The following SLC39A6 variants were observed in gnomAD, a reference collection of about 807,000 sequenced individuals.
SLC39A6 encodes the protein solute carrier family 39 member 6, also known as zinc transporter ZIP6.
In SLC39A6, 51 loss-of-function variants were observed where a neutral mutation model predicts 63.5. The ratio of observed to expected loss-of-function variants is 0.80; its 90% CI spans 0.64 to 1.01. The LOEUF is 1.01. SLC39A6 is among the 50% of genes least tolerant of loss of function. The pLI is 0.00. For missense variants in SLC39A6, 805 were observed against 927.8 expected, an observed-to-expected ratio of 0.87 and a Z score of 1.72; for synonymous variants, 318 against 324.7, an observed-to-expected ratio of 0.98 and a Z score of 0.22.
chr18:36,116,925 C>T (rs1276799152), intron 5 of SLC39A6, 146 bp from the exon 6 acceptor site: 2 of 606,862 alleles, frequency 3.3e-6, no homozygotes, highest in Non-Finnish European at 2.9e-6. Flanking sequence ...AGCACACTAT[C>T]TCCTGGGAAC....
At chr18:36,127,573 C>G (rs1460112540) in intron 1 of SLC39A6, among the ~76,000 whole-genome samples, 1 of 151,686 alleles carries the variant, frequency 6.6e-6, no homozygotes, top group African/African-American at 2.4e-5. Context: ...ATAAAATAAC[C>G]TTCAAACACC....
chr18:36,116,977 G>T (rs55680231), intron 5 of SLC39A6, among the ~76,000 whole-genome samples, 198 bp from the exon 6 acceptor site: 1 of 152,320 alleles, frequency 6.6e-6, no homozygotes, highest in South Asian at 2.1e-4. Context: ...GGCGGCTCAC[G>T]CCTGTAATCG....
intron 8 of SLC39A6, among the ~76,000 whole-genome samples, chr18:36,111,929 T>C (rs1242548827): frequency 6.6e-6 from 1 of 152,128 alleles, no homozygotes; most frequent in Admixed American, 6.5e-5. Flanking sequence ...AGAACACACA[T>C]GAGATGATCA....
intron 1 of SLC39A6, among the ~76,000 whole-genome samples, chr18:36,128,115 C>T (rs2144516800): frequency 1.3e-5 from 2 of 152,294 alleles, no homozygotes; most frequent in South Asian, 4.1e-4. Flanking sequence ...AACCAAAGGC[C>T]TGTGCCCCAA....
At chr18:36,112,824 G>A (rs1217595461) in intron 7 of SLC39A6, among the ~76,000 whole-genome samples, 4 of 152,014 alleles carry the variant, frequency 2.6e-5, no homozygotes, top group Admixed American at 6.6e-5. Context: ...TAGAATGAGC[G>A]GATAAAGTTA....
At position 36,126,852 on chromosome 18, in the gene SLC39A6, T is replaced by C; in HGVS notation, c.156A>G (p.Thr52=). Residue 52 remains threonine, a synonymous_variant, in exon 2 of 10, where the codon ACA becomes ACG. Transcript: ENST00000269187. ...AAAGCTGTTGTAGATGATATTGCCG[T>C]GTGGAAATTGCCAAGTCAACATTAA... is the stretch of plus-strand genomic sequence containing the variant. ...SGINVDLAIS[T]RQYHLQQLFY... is the part of the protein sequence containing the mutation. 6.2e-7 allele frequency: 1 copy of C among 1,614,238 alleles called. No homozygotes were observed. Among genetic ancestry groups the C allele is most frequent in the South Asian group, 1.1e-5 (1 of 91,084 alleles).
rs1282626746 is a variant in SLC39A6, at chr18:36,114,184, C to T, written c.1756G>A (p.Glu586Lys). ...GTGGCGACGCCGGCATCTTTCAGCT[C>T]CTCCCGAGAGTAGCGCTGGCTGTGA... is the stretch of plus-strand genomic sequence containing the variant. Reference protein sequence around the residue: ...HSHSQRYSREELKDAGVATLA... With the variant: ...HSHSQRYSREKLKDAGVATLA... Residue 586 changes from glutamate to lysine, a missense_variant, in exon 7 of 10, where the codon GAG (glutamate) becomes AAG (lysine). Glu to Lys is a moderately conservative substitution (Grantham distance 56). Around this residue, in one of 4 missense-constraint regions of SLC39A6, gnomAD observed 145 missense variants for 227.2 expected, o/e 0.64. Transcript: ENST00000269187. 6.2e-7 allele frequency: 1 copy of T among 1,614,124 alleles called. No individual in the cohort carries two copies. The highest frequency in any genetic ancestry group is 8.5e-7 in the Non-Finnish European group (1 of 1,180,032).
In SLC39A6 at chr18:36,116,706, G is replaced by T. The variant is rs1290800077; in HGVS notation, c.1433C>A (p.Ser478Ter). ...KQLSKYESQL[S>*]TNEEKVDTDD... ...TGTATCTACTTTCTCCTCATTTGTT[G>T]AAAGTTGAGATTCATACTTGGACAA... The change falls in exon 6 of 10, where the codon TCA becomes TAA. Residue 478 changes from serine (S) to a stop codon, truncating the protein, a stop_gained. Coordinates refer to ENST00000269187, the MANE Select transcript of SLC39A6 (RefSeq NM_012319.4). LOFTEE classifies it high-confidence loss of function. 1 of 1,612,472 alleles carries T rather than the reference G, an allele frequency of 6.2e-7. No homozygotes were observed. Among genetic ancestry groups the T allele is most frequent in the East Asian group, 2.2e-5 (1 of 44,822 alleles).
intron 2 of SLC39A6, among the ~76,000 whole-genome samples, chr18:36,125,363 A>C (rs999486635): frequency 1.2e-4 from 18 of 151,332 alleles, no homozygotes; most frequent in South Asian, 2.1e-4. Context: ...AAAAAAAAAA[A>C]AACAACAAAA....
At position 36,126,754 on chromosome 18, in the gene SLC39A6, T is replaced by G; in HGVS notation, c.254A>C (p.Asp85Ala). 6.2e-7 allele frequency: 1 copy of G among 1,614,264 alleles called. No homozygotes were observed. The highest frequency in any genetic ancestry group is 2.2e-5 in the East Asian group (1 of 44,892). Residue 85 changes from aspartate (D) to alanine (A), a missense_variant, in exon 2 of 10, where the codon GAT (aspartate) becomes GCT (alanine). By Grantham distance (126) the Asp-to-Ala change is moderately radical. Around this residue, in one of 4 missense-constraint regions of SLC39A6, gnomAD observed 639 missense variants for 644.0 expected, o/e 0.99. Coordinates refer to ENST00000269187, the MANE Select transcript of SLC39A6 (RefSeq NM_012319.4). ...GTGTATATGGATTCTTTTAATCTTA[T>G]CTATGCCTATATTTTGAAGTAATTT... is the stretch of plus-strand genomic sequence containing the variant. ...FRKLLQNIGI[D>A]KIKRIHIHHD...
Position 36,129,108 on chromosome 18 carries a change from A to C in SLC39A6, c.-10+6T>G, listed in dbSNP as rs2089493115. ...GCCGCCCTGCTCCCGGACCTGAAAG[A>C]CTCACGTCTCCGCGGCCTCGTTGTC... On this transcript the variant is annotated splice_donor_region_variant and intron_variant, in intron 1 of 9. Transcript: ENST00000269187. 6.6e-6 allele frequency: 1 copy of C among 152,410 alleles called. No individual in the cohort carries two copies. The highest frequency in any genetic ancestry group is 1.5e-5 in the Non-Finnish European group (1 of 68,454). 9.4% of individuals were successfully genotyped at this position (152,410 alleles called of 1,614,324 possible). A position where few individuals can be genotyped will look rare whatever the true frequency, so the allele number is the denominator to read the frequency against.
In SLC39A6 at chr18:36,119,375, T is replaced by C. The variant is rs144001043; in HGVS notation, c.1360-2596A>G. 1.6e-4 allele frequency among the ~76,000 whole-genome samples: 24 copies of C among 152,288 alleles called. No homozygotes were observed. The East Asian group carries it at 4.6e-3, about 29-fold the overall frequency. On this transcript the variant is annotated intron_variant, in intron 5 of 9. Coordinates refer to ENST00000269187, the MANE Select transcript of SLC39A6 (RefSeq NM_012319.4). ...TGCTCCTTAAACATTCAATATTTAC[T>C]ACCATCGATTATGTACCAGACACTA...
In SLC39A6 at chr18:36,126,846, T is replaced by C. The variant is rs772373001; in HGVS notation, c.162A>G (p.Gln54=). Residue 54 remains glutamine, a synonymous_variant, in exon 2 of 10, where the codon CAA becomes CAG. Transcript: ENST00000269187. The part of the protein sequence containing the change: ...INVDLAISTR[Q]YHLQQLFYRY... ...GGTAGAAAAGCTGTTGTAGATGATA[T>C]TGCCGTGTGGAAATTGCCAAGTCAA... 13 of 1,614,130 alleles carry C rather than the reference T, an allele frequency of 8.1e-6. No homozygotes were observed. The highest frequency in any genetic ancestry group is 4.0e-5 in the African/African-American group (3 of 74,936).
chr18:36,109,118 A>T lies in SLC39A6; in HGVS notation c.*475T>A, dbSNP rs1292446607. On this transcript the variant is annotated 3_prime_UTR_variant, in exon 10 of 10. Transcript: ENST00000269187. ...ATTTACAACAAATTTTGTGATTTTT[A>T]TAAGAATCTATGCCTCCCCAATTCT... is the stretch of plus-strand genomic sequence containing the variant. 1 of 152,214 alleles carries T rather than the reference A, an allele frequency of 6.6e-6. No individual in the cohort carries two copies. The highest frequency in any genetic ancestry group is 1.5e-5 in the Non-Finnish European group (1 of 68,042). 9.4% of individuals were successfully genotyped at this position (152,214 alleles called of 1,614,324 possible). A position where few individuals can be genotyped will look rare whatever the true frequency, so the allele number is the denominator to read the frequency against.
chr18:36,116,648 C>T (rs1289717307), intron 6 of SLC39A6, 26 bp downstream of exon 6: 1 of 1,459,458 alleles, frequency 6.9e-7, no homozygotes, highest in Non-Finnish European at 9.6e-7. Flanking sequence ...TCCCTCCAGC[C>T]CTAAAATTTA....
intron 9 of SLC39A6, 38 bp downstream of exon 9, chr18:36,111,021 G>A: frequency 6.2e-7 from 1 of 1,606,212 alleles, no homozygotes; most frequent in Non-Finnish European, 8.5e-7. Flanking sequence ...CTATTTTATT[G>A]TTGGTCAATA....
intron 3 of SLC39A6, 42 bp from the exon 4 acceptor site, chr18:36,123,706 C>T: frequency 6.4e-7 from 1 of 1,550,638 alleles, no homozygotes; most frequent in Non-Finnish European, 8.7e-7. Flanking sequence ...AATTATACAA[C>T]TAATAAACTC....
intron 6 of SLC39A6, among the ~76,000 whole-genome samples, chr18:36,114,689 A>G (rs2089329416): frequency 6.6e-6 from 1 of 152,220 alleles, no homozygotes; most frequent in Non-Finnish European, 1.5e-5. Context: ...TTAAGAATGG[A>G]TTTTAAATGT....
intron 3 of SLC39A6, 101 bp from the exon 4 acceptor site, chr18:36,123,765 A>G: frequency 8.5e-7 from 1 of 1,181,352 alleles, no homozygotes; most frequent in Non-Finnish European, 1.2e-6. Flanking sequence ...GTAAAAGGAG[A>G]GAAGCTAAAA....
Sources: allele counts gnomAD v4.1 joint callset (sites outside exome capture counted in the v4.1 genomes callset), GRCh38; gene constraint gnomAD v4.1.1; regional missense constraint gnomAD v4.1.1; transcripts MANE v1.5; gene names NCBI Gene and HGNC (gene_info 2026-07-23, HGNC 2026-07-21).